STAP2: variants seen among roughly 807,000 people sequenced by gnomAD.
STAP2 encodes signal transducing adaptor family member 2.
A neutral mutation model predicts 52.7 loss-of-function variants in STAP2; 58 were observed. The observed-to-expected ratio is 1.10, with a 90% CI of 0.89 to 1.37. STAP2 has a LOEUF of 1.37. Ranked by LOEUF, STAP2 falls within the 40% of genes most tolerant of loss-of-function variation. STAP2 has a pLI of 0.00. For missense variants in STAP2, 522 were observed against 519.4 expected (o/e 1.00, Z -0.05); for synonymous variants, 231 against 210.5 (o/e 1.10, Z -0.84).
At chr19:4,330,698 A>G (rs1473714599) in intron 4 of STAP2, among the ~76,000 whole-genome samples, 1 of 150,836 alleles carries the variant, frequency 6.6e-6, no homozygotes, top group Non-Finnish European at 1.5e-5. Flanking sequence ...CGGTTGATAA[A>G]TGATGTCAGC....
At chr19:4,324,405 G>C (rs756613305) in intron 12 of STAP2, 50 bp downstream of exon 12, 1 of 1,461,012 alleles carries the variant, frequency 6.8e-7, no homozygotes, top group African/African-American at 1.4e-5. Flanking sequence ...GTGACTGTAC[G>C]GTCACACACC....
At chr19:4,328,448 G>C (rs567719946) in intron 6 of STAP2, among the ~76,000 whole-genome samples, 1 of 65,842 alleles carries the variant, frequency 1.5e-5, no homozygotes, top group Non-Finnish European at 2.8e-5. Flanking sequence ...AATCCGCCCA[G>C]CCCAGCTCTG....
rs775620546 is a variant in STAP2, at chr19:4,327,174, T to C, written c.713A>G (p.Lys238Arg). 2 of 1,614,000 alleles carry C rather than the reference T, an allele frequency of 1.2e-6. No homozygotes were observed. Among genetic ancestry groups the C allele is most frequent in the African/African-American group, 1.3e-5 (1 of 74,892 alleles). Reference sequence around the variant, plus strand: ...TAACAGGAATGGCACCAGCGCCTTTTTGGTATGCGACACGAAATAGTTGAC... The same window carrying C: ...TAACAGGAATGGCACCAGCGCCTTTCTGGTATGCGACACGAAATAGTTGAC... ...AVVNYFVSHT[K>R]KALVPFLLDE... is the part of the protein sequence containing the mutation. Residue 238 changes from lysine to arginine, a missense_variant, in exon 8 of 13, where the codon AAA (lysine) becomes AGA (arginine). Transcript: ENST00000594605.
intron 4 of STAP2, among the ~76,000 whole-genome samples, chr19:4,331,172 A>T (rs531349334): frequency 6.6e-6 from 1 of 152,042 alleles, no homozygotes; most frequent in African/African-American, 2.4e-5. Context: ...CTACAAAAAA[A>T]TTTTTAAATT....
At chr19:4,334,153 G>A (rs905368530) in intron 1 of STAP2, 109 bp from the exon 2 acceptor site, 9 of 824,718 alleles carry the variant, frequency 1.1e-5, no homozygotes, top group African/African-American at 5.2e-5. Context: ...TCTGCCCCAC[G>A]CTGCCCCCAG....
chr19:4,324,144 G>A lies in STAP2; in HGVS notation c.1201C>T (p.Leu401=). 1 of 1,551,494 alleles carries A rather than the reference G, an allele frequency of 6.4e-7. No individual in the cohort carries two copies. Among genetic ancestry groups the A allele is most frequent in the Non-Finnish European group, 8.7e-7 (1 of 1,146,978 alleles). ...LQKKLEKRRA[L]EH is the part of the protein sequence containing the mutation. ...CTGGTGTGTCCGAATCAGTGCTCCA[G>A]TGCCCGCCTCTTCTCCAGCTTCTTC... Residue 401 remains leucine (L), a synonymous_variant, in exon 13 of 13, where the codon CTG becomes TTG. Transcript: ENST00000594605.
At chr19:4,335,251 C>T (rs1971963787) in intron 1 of STAP2, among the ~76,000 whole-genome samples, 2 of 151,846 alleles carry the variant, frequency 1.3e-5, no homozygotes, top group Non-Finnish European at 2.9e-5. Flanking sequence ...ATCCATCCAT[C>T]ATCCATCCAT....
chr19:4,325,610 G>T (rs1971778844), intron 9 of STAP2, 65 bp from the exon 10 acceptor site: 15 of 1,510,028 alleles, frequency 9.9e-6, no homozygotes, highest in Middle Eastern at 4.9e-4. Context: ...AGGTTGGCGG[G>T]GGGGTCTGTG....
chr19:4,327,373 G>C lies in STAP2; in HGVS notation c.603C>G (p.Val201=). ...CCTCCCGCTTCACCTTGTAATGCCG[G>C]ACCACGTGCGTCCTGCACCAGGAGA... The part of the protein sequence containing the change: ...TRQMHNGTHV[V]RHYKVKREGP... The change falls in exon 7 of 13, where the codon GTC becomes GTG. Residue 201 remains valine (V), a synonymous_variant. Coordinates refer to ENST00000594605, the MANE Select transcript of STAP2 (RefSeq NM_001013841.2). 6.2e-7 allele frequency: 1 copy of C among 1,614,072 alleles called. No homozygotes were observed. Among genetic ancestry groups the C allele is most frequent in the Non-Finnish European group, 8.5e-7 (1 of 1,179,992 alleles).
intron 3 of STAP2, 115 bp from the exon 4 acceptor site, chr19:4,332,193 CTTCTTTTTTTTTTTTTTTTTTTTTTTTT>C: frequency 3.2e-6 from 1 of 317,082 alleles, no homozygotes; most frequent in Non-Finnish European, 4.9e-6. Context: ...TTTTCTTTTT[CTTCTTTTTTTTTTTTTTTTTTTTTTTTT>C]TGAGATGGAG....
rs1225001323 is a variant in STAP2 at position 4,328,755 on chromosome 19, G to A, written c.510C>T (p.Pro170=). ...LEAQLLLERY[P]ECGNLLLRPS... ...GCCGCAGCAGCAGGTTCCCGCACTC[G>A]GGGTAGCGCTCCAGGAGCAGTTGTG... Residue 170 remains proline, a synonymous_variant, in exon 6 of 13, where the codon CCC becomes CCT. Coordinates refer to ENST00000594605, the MANE Select transcript of STAP2 (RefSeq NM_001013841.2). The A allele has an allele frequency of 2.5e-6, 4 of 1,610,492 alleles. No individual in the cohort carries two copies. Among genetic ancestry groups the A allele is most frequent in the South Asian group, 2.2e-5 (2 of 90,660 alleles).
intron 5 of STAP2, 58 bp from the exon 6 acceptor site, chr19:4,328,867 C>A (rs1007845720): frequency 1.8e-4 from 278 of 1,575,306 alleles, no homozygotes; most frequent in Middle Eastern, 3.4e-4. Flanking sequence ...CTCTTCTGCA[C>A]GTAAACCCTG....
In STAP2 at chr19:4,325,516, G is replaced by A. The variant is rs2144778713; in HGVS notation, c.859C>T (p.Pro287Ser). 1 of 1,606,262 alleles carries A rather than the reference G, an allele frequency of 6.2e-7. No individual in the cohort carries two copies. Among genetic ancestry groups the A allele is most frequent in the East Asian group, 2.2e-5 (1 of 44,870 alleles). Residue 287 changes from proline to serine, a missense_variant, in exon 10 of 13, where the codon CCG becomes TCG. Physicochemically the swap from Pro to Ser is moderately conservative, Grantham distance 74. Coordinates refer to ENST00000594605, the MANE Select transcript of STAP2 (RefSeq NM_001013841.2). ...GPAPCTGGPK[P>S]LSPASSQDKL... ...TCCTGGCTAGACGCAGGTGACAGCG[G>A]CTTGGGGCCACCTGTGCAGGGTGCA...
intron 1 of STAP2, among the ~76,000 whole-genome samples, chr19:4,336,860 C>G (rs1971988430): frequency 1.3e-5 from 2 of 151,932 alleles, no homozygotes; most frequent in African/African-American, 4.8e-5. Flanking sequence ...GTCTTGAACT[C>G]CTGACCTCAG....
chr19:4,324,984 A>T (rs562994194), intron 11 of STAP2: 40 of 511,458 alleles, frequency 7.8e-5, no homozygotes, highest in African/African-American at 7.3e-4. Context: ...AATACAAAAA[A>T]AAAAATTAGC....
At chr19:4,327,030 G>C (rs1971804051) in intron 8 of STAP2, 23 bp from the exon 9 acceptor site, 1 of 1,583,442 alleles carries the variant, frequency 6.3e-7, no homozygotes, top group Non-Finnish European at 8.6e-7. Flanking sequence ...GGGCGGCCTG[G>C]AGGAAGCGCG....
intron 1 of STAP2, 96 bp from the exon 2 acceptor site, chr19:4,334,140 C>T: frequency 4.0e-6 from 4 of 1,001,460 alleles, no homozygotes; most frequent in Non-Finnish European, 5.9e-6. Context: ...ACTGGTTGTG[C>T]TCTCTGCCCC....
intron 9 of STAP2, among the ~76,000 whole-genome samples, chr19:4,326,055 C>T (rs542011475): frequency 6.6e-6 from 1 of 152,176 alleles, no homozygotes; most frequent in East Asian, 1.9e-4. Context: ...TACACACACA[C>T]CTGTGGTGTG....
chr19:4,332,170 G>T, intron 3 of STAP2, 92 bp from the exon 4 acceptor site: 1 of 937,138 alleles, frequency 1.1e-6, no homozygotes. Context: ...CTGCTTCAAA[G>T]GGCCGTTTTC....
Sources: gnomAD v4.1 joint callset for allele counts (sites outside exome capture counted in the v4.1 genomes callset) on GRCh38, gnomAD v4.1.1 for gene constraint, MANE v1.5 for transcripts, NCBI Gene and HGNC (gene_info 2026-07-23, HGNC 2026-07-21) for gene names.